The following RUBCNL variants were observed in gnomAD, a reference collection of about 807,000 sequenced individuals.
The protein encoded by RUBCNL is rubicon like autophagy enhancer.
In RUBCNL, 62 loss-of-function variants were observed where a neutral mutation model predicts 69.5. The observed-to-expected ratio is 0.89, with a 90% CI of 0.73 to 1.10. The LOEUF (loss-of-function observed/expected upper bound fraction) is 1.10, where lower values mean the gene tolerates loss of function less well. Among genes scored for constraint, RUBCNL ranks in the 50% least tolerant of loss-of-function variants. The pLI is 0.00. For missense variants in RUBCNL, 768 were observed against 798.1 expected, an observed-to-expected ratio of 0.96 and a Z score of 0.45; for synonymous variants, 291 against 303.6, an observed-to-expected ratio of 0.96 and a Z score of 0.43.
At chr13:46,364,761 A>G (rs1055726452) in intron 5 of RUBCNL, among the ~76,000 whole-genome samples, 4 of 150,128 alleles carry the variant, frequency 2.7e-5, no homozygotes, top group African/African-American at 9.9e-5. Flanking sequence ...AACCCACCTC[A>G]TGGAGGAACA....
Position 46,337,172 on chromosome 13 carries a change from C to A in RUBCNL, c.*6213G>T, listed in dbSNP as rs991631171. Among the ~76,000 whole-genome samples the A allele has an allele frequency of 3.9e-5, 6 of 152,088 alleles. No homozygotes were observed. Among genetic ancestry groups the A allele is most frequent in the African/African-American group, 1.4e-4 (6 of 41,482 alleles). ...TGGGGGCAGGGAGGGGGGACCAAGTCTCACTCTGTTGTCAGGCTGGAGTAC... is the reference window on the plus strand; with the variant it reads ...TGGGGGCAGGGAGGGGGGACCAAGTATCACTCTGTTGTCAGGCTGGAGTAC... On this transcript the variant is annotated 3_prime_UTR_variant, in exon 15 of 15. Coordinates refer to ENST00000429979, the MANE Select transcript of RUBCNL (RefSeq NM_025113.5).
chr13:46,369,192 C>T (rs2048826609), intron 3 of RUBCNL, among the ~76,000 whole-genome samples: 1 of 152,152 alleles, frequency 6.6e-6, no homozygotes, highest in South Asian at 2.1e-4. Context: ...TTCTCTAGCT[C>T]ATTGTGATTG....
intron 3 of RUBCNL, among the ~76,000 whole-genome samples, chr13:46,370,794 G>A (rs2048860099): frequency 6.6e-6 from 1 of 151,990 alleles, no homozygotes. Context: ...GTGGTTCTCT[G>A]TTGGGGAGAG....
chr13:46,347,217 C>G (rs1426060152), intron 12 of RUBCNL, among the ~76,000 whole-genome samples: 1 of 151,986 alleles, frequency 6.6e-6, no homozygotes, highest in Admixed American at 6.6e-5. Context: ...ACCAGCCTGG[C>G]CAACATGGTG....
rs868386221 is a variant in RUBCNL at position 46,364,080 on chromosome 13, T to C, written c.827-867A>G. On this transcript the variant is annotated intron_variant, in intron 5 of 14. Transcript: ENST00000429979. ...AAAGGAATACAGTTGTTTAAGGAAA[T>C]AGCCTAGCCCATAGTTTACATAGAA... 3.9e-5 allele frequency among the ~76,000 whole-genome samples: 6 copies of C among 151,924 alleles called. No individual in the cohort carries two copies. The South Asian group carries it at 6.2e-4, about 16-fold the overall frequency.
At chr13:46,356,301 G>A in intron 10 of RUBCNL, 131 bp downstream of exon 10, 1 of 841,940 alleles carries the variant, frequency 1.2e-6, no homozygotes, top group Non-Finnish European at 1.8e-6. Context: ...GAAAAGGAGG[G>A]CAACTTCTCT....
chr13:46,362,939 G>GATATAGAT (rs1438667730), intron 6 of RUBCNL, among the ~76,000 whole-genome samples, 176 bp downstream of exon 6: 1 of 41,504 alleles, frequency 2.4e-5, no homozygotes, highest in Non-Finnish European at 3.8e-5. Flanking sequence ...TATATATATA[G>GATATAGAT]ATATATATAT....
At chr13:46,369,071 A>G (rs1293097529) in intron 3 of RUBCNL, among the ~76,000 whole-genome samples, 1 of 152,220 alleles carries the variant, frequency 6.6e-6, no homozygotes, top group Non-Finnish European at 1.5e-5. Flanking sequence ...GAGGAGACCA[A>G]TGAGGAAAAG....
Position 46,363,129 on chromosome 13 carries a change from T to G in RUBCNL, c.911A>C (p.Glu304Ala), listed in dbSNP as rs543645323. 33 of 1,596,062 alleles carry G rather than the reference T, an allele frequency of 2.1e-5. No individual in the cohort carries two copies. In the South Asian group the frequency reaches 3.4e-4, roughly 16 times the overall value. ...CCAAATCTTACCTAAAATAACAAATTCATCAACATCGCATTTGCAAATCTC... is the reference window on the plus strand; with the variant it reads ...CCAAATCTTACCTAAAATAACAAATGCATCAACATCGCATTTGCAAATCTC... ...VKEICKCDVD[E>A]FVILELGDFN... The change falls in exon 6 of 15, where the codon GAA becomes GCA. Residue 304 changes from glutamate (E) to alanine (A), a missense_variant. Coordinates refer to ENST00000429979, the MANE Select transcript of RUBCNL (RefSeq NM_025113.5).
chr13:46,361,097 C>T (rs573713450), intron 8 of RUBCNL, among the ~76,000 whole-genome samples: 5 of 152,210 alleles, frequency 3.3e-5, no homozygotes, highest in Admixed American at 1.3e-4. Flanking sequence ...TGGTGGCGTG[C>T]GCCTGTAGTC....
At chr13:46,375,390 G>A (rs1223649934) in intron 2 of RUBCNL, among the ~76,000 whole-genome samples, 4 of 152,138 alleles carry the variant, frequency 2.6e-5, no homozygotes, top group African/African-American at 9.7e-5. Flanking sequence ...AAAATTAGCT[G>A]GGCGTGGTGG....
intron 10 of RUBCNL, among the ~76,000 whole-genome samples, chr13:46,355,107 C>T (rs1328773856): frequency 6.6e-6 from 1 of 152,162 alleles, no homozygotes; most frequent in African/African-American, 2.4e-5. Context: ...ATTTTTATCT[C>T]TTGAAGTAGG....
rs905971073 is a variant in RUBCNL at position 46,356,492 on chromosome 13, C to T, written c.1270G>A (p.Asp424Asn). ...IFNIHPPLKR[D>N]LVVAAQNFFC... ...AAATTCTGGGCTGCCACCACAAGGT[C>T]CCTCCTGAATACGAAAAATAATACT... Residue 424 changes from aspartate (D) to asparagine (N), a missense_variant, in exon 10 of 15, where the codon GAC (aspartate) becomes AAC (asparagine). Coordinates refer to ENST00000429979, the MANE Select transcript of RUBCNL (RefSeq NM_025113.5). 1 of 1,613,684 alleles carries T rather than the reference C, an allele frequency of 6.2e-7. No homozygotes were observed. The highest frequency in any genetic ancestry group is 8.5e-7 in the Non-Finnish European group (1 of 1,179,836).
At chr13:46,386,058 C>T (rs2049235594) in intron 1 of RUBCNL, among the ~76,000 whole-genome samples, 1 of 152,176 alleles carries the variant, frequency 6.6e-6, no homozygotes, top group Non-Finnish European at 1.5e-5. Flanking sequence ...TGTCTTAACT[C>T]GGCTCCAAAC....
At position 46,382,574 on chromosome 13, in the gene RUBCNL, C is replaced by T. The variant is rs147534686; in HGVS notation, c.-239+4560G>A. Among the ~76,000 whole-genome samples, 549 of 152,206 alleles carry T rather than the reference C, an allele frequency of 3.6e-3. 3 individuals carry two copies. The highest frequency in any genetic ancestry group is 5.9e-3 in the Non-Finnish European group (401 of 68,006). ...TGAGACAAAGTTTCGCTCTTGTCAC[C>T]GAGGCTGGAGTGCAGTGGCATGATC... On this transcript the variant is annotated intron_variant, in intron 1 of 14. Coordinates refer to ENST00000429979, the MANE Select transcript of RUBCNL (RefSeq NM_025113.5).
intron 5 of RUBCNL, among the ~76,000 whole-genome samples, chr13:46,364,640 A>T (rs2138768004): frequency 6.6e-6 from 1 of 151,450 alleles, no homozygotes; most frequent in South Asian, 2.1e-4. Context: ...AAAAAAAAAA[A>T]AACTTTCAGG....
Position 46,350,251 on chromosome 13 carries a change from C to A in RUBCNL, c.1431G>T (p.Met477Ile). The change falls in exon 11 of 15, where the codon ATG becomes ATT. Residue 477 changes from methionine to isoleucine, a missense_variant. Met to Ile is a conservative substitution (Grantham distance 10). Transcript: ENST00000429979. ...AESCIPARIL[M>I]MWDFKKYYVS... is the part of the protein sequence containing the mutation. Reference sequence around the variant, plus strand: ...CGTAGTACTTCTTGAAGTCCCACATCATCAGGATTCGGGCAGGGATGCACG... The same window carrying A: ...CGTAGTACTTCTTGAAGTCCCACATAATCAGGATTCGGGCAGGGATGCACG... 1 of 1,591,608 alleles carries A rather than the reference C, an allele frequency of 6.3e-7. No individual in the cohort carries two copies. The highest frequency in any genetic ancestry group is 8.6e-7 in the Non-Finnish European group (1 of 1,168,664).
chr13:46,385,358 TATGAC>T, intron 1 of RUBCNL: 1 of 614,128 alleles, frequency 1.6e-6, no homozygotes, highest in Non-Finnish European at 2.0e-6. Context: ...AGATACACAA[TATGAC>T]TAACAGGCAC....
Position 46,361,555 on chromosome 13 carries a change from G to C in RUBCNL, c.1005C>G (p.Asp335Glu). 1 of 1,604,280 alleles carries C rather than the reference G, an allele frequency of 6.2e-7. No homozygotes were observed. Among genetic ancestry groups the C allele is most frequent in the Admixed American group, 1.7e-5 (1 of 58,090 alleles). ...SSSKSVTYEP[D>E]FNSAELLAKE... is the part of the protein sequence containing the mutation. ...TGGCTAATAGTTCTGCAGAATTGAA[G>C]TCTGGCTCATAAGTGACACTGAAAT... Residue 335 changes from aspartate to glutamate, a missense_variant, in exon 8 of 15, where the codon GAC (aspartate) becomes GAG (glutamate). Physicochemically the swap from Asp to Glu is conservative, Grantham distance 45 (BLOSUM62 2). Coordinates refer to ENST00000429979, the MANE Select transcript of RUBCNL (RefSeq NM_025113.5).
Sources: gnomAD v4.1 joint callset for allele counts (sites outside exome capture counted in the v4.1 genomes callset) on GRCh38, gnomAD v4.1.1 for gene constraint, MANE v1.5 for transcripts, NCBI Gene and HGNC (gene_info 2026-07-23, HGNC 2026-07-21) for gene names.